Variants in MAGI2 observed in about 807,000 individuals in gnomAD.
MAGI2 encodes the protein membrane-associated guanylate kinase, WW and PDZ domain-containing protein 2.
MAGI2 carries 35 observed loss-of-function variants against 133.3 expected under a neutral mutation model. The observed-to-expected ratio is 0.26, with a 90% CI of 0.20 to 0.35. The LOEUF is 0.35. Ranked by LOEUF, MAGI2 falls within the 10% of genes least tolerant of loss-of-function variation. The probability of loss-of-function intolerance (pLI) is 1.00; values close to 1 mark genes in which losing one functional copy is unlikely to be tolerated. For synonymous variants in MAGI2, 729 were observed against 710.6 expected (o/e 1.03, Z -0.41); for missense variants, 1,636 against 1,863.4 (o/e 0.88, Z 2.25).
chr7:78,350,092 G>A (rs930364187), intron 7 of MAGI2: 8 of 152,208 alleles, frequency 5.3e-5, no homozygotes, highest in African/African-American at 9.7e-5. Context: ...ATTCTGAAGT[G>A]CGTATATCTT....
chr7:78,397,739 C>T (rs1042061197), intron 6 of MAGI2, among the ~76,000 whole-genome samples: 4 of 152,084 alleles, frequency 2.6e-5, no homozygotes, highest in Non-Finnish European at 4.4e-5. Flanking sequence ...TCCAGTTTCG[C>T]TTCTCACATG....
At chr7:79,155,365 A>G (rs1463421763) in intron 1 of MAGI2, among the ~76,000 whole-genome samples, 1 of 152,176 alleles carries the variant, frequency 6.6e-6, no homozygotes, top group African/African-American at 2.4e-5. Context: ...ATAAAATGCT[A>G]GGCACATAAG....
At chr7:78,870,192 A>T (rs977937915) in intron 2 of MAGI2, among the ~76,000 whole-genome samples, 6 of 152,014 alleles carry the variant, frequency 3.9e-5, no homozygotes, top group Non-Finnish European at 8.8e-5. Flanking sequence ...TCAACAAAAA[A>T]TACAAAAATT....
chr7:79,074,022 A>C (rs1211710670), intron 1 of MAGI2, among the ~76,000 whole-genome samples: 1 of 152,192 alleles, frequency 6.6e-6, no homozygotes, highest in Non-Finnish European at 1.5e-5. Context: ...ATAATGCACA[A>C]TTCTTCATAA....
At chr7:79,023,283 C>A (rs1809531095) in intron 1 of MAGI2, among the ~76,000 whole-genome samples, 1 of 152,108 alleles carries the variant, frequency 6.6e-6, no homozygotes, top group African/African-American at 2.4e-5. Flanking sequence ...TAATATTCAA[C>A]ATCCATTCAT....
intron 13 of MAGI2, among the ~76,000 whole-genome samples, chr7:78,184,092 C>T (rs1017461295): frequency 6.6e-6 from 1 of 152,124 alleles, no homozygotes; most frequent in Non-Finnish European, 1.5e-5. Flanking sequence ...AACTACTGGG[C>T]CATTCTCCTT....
chr7:78,252,246 C>T (rs1028737948), intron 10 of MAGI2: 1 of 151,290 alleles, frequency 6.6e-6, no homozygotes. Flanking sequence ...AGTTGGAGGA[C>T]TAACACTCTC....
intron 21 of MAGI2, among the ~76,000 whole-genome samples, chr7:78,069,834 G>C (rs906744764): frequency 2.0e-5 from 3 of 151,984 alleles, no homozygotes; most frequent in Non-Finnish European, 4.4e-5. Context: ...TCTTGCGGGA[G>C]AGCTCAACTT....
intron 1 of MAGI2, among the ~76,000 whole-genome samples, chr7:79,057,039 T>A (rs1310853094): frequency 6.6e-6 from 1 of 152,216 alleles, no homozygotes; most frequent in Non-Finnish European, 1.5e-5. Flanking sequence ...TTGTTGTTTT[T>A]CTTGTTGTTT....
chr7:79,305,844 C>T (rs2129560137), intron 1 of MAGI2, among the ~76,000 whole-genome samples: 1 of 152,024 alleles, frequency 6.6e-6, no homozygotes, highest in Admixed American at 6.6e-5. Flanking sequence ...TCCCATGAGC[C>T]CAGGAGTTTG....
chr7:78,108,733 C>T (rs1046256497), intron 20 of MAGI2, among the ~76,000 whole-genome samples: 7 of 126,714 alleles, frequency 5.5e-5, no homozygotes, highest in African/African-American at 1.3e-4. Flanking sequence ...TGTGTATACA[C>T]ACACATATGT....
intron 2 of MAGI2, among the ~76,000 whole-genome samples, chr7:78,825,676 T>C (rs1208245225): frequency 6.6e-6 from 1 of 152,194 alleles, no homozygotes; most frequent in Non-Finnish European, 1.5e-5. Flanking sequence ...CAATCTTATG[T>C]GGGAAAGTGA....
intron 6 of MAGI2, among the ~76,000 whole-genome samples, chr7:78,460,966 T>TCA (rs1789919575): frequency 1.3e-5 from 2 of 149,870 alleles, no homozygotes; most frequent in Non-Finnish European, 3.0e-5. Context: ...ACACACACTC[T>TCA]CACACACACA....
rs1440734964 is a variant in MAGI2 at position 78,019,973 on chromosome 7, T to G, written c.3710A>C (p.Glu1237Ala). 1 of 1,604,182 alleles carries G rather than the reference T, an allele frequency of 6.2e-7. No individual in the cohort carries two copies. Among genetic ancestry groups the G allele is most frequent in the Admixed American group, 1.7e-5 (1 of 58,680 alleles). Residue 1237 changes from glutamate (E) to alanine (A), a missense_variant, in exon 22 of 22, where the codon GAA (glutamate) becomes GCA (alanine). This residue lies in a region of MAGI2 where 354 missense variants were observed against 298.7 expected (regional missense o/e 1.19). Transcript: ENST00000354212. ...AGCGGGAGAACTCCAGGGGGCGGGTTCGTCTGTGGACGGGAAGCACAGGCG... is the reference window on the plus strand; with the variant it reads ...AGCGGGAGAACTCCAGGGGGCGGGTGCGTCTGTGGACGGGAAGCACAGGCG... ...RGTGQVPEYD[E>A]PAPWSSPAAA... is the part of the protein sequence containing the mutation.
intron 2 of MAGI2, chr7:78,946,843 C>T (rs891696594): frequency 3.3e-5 from 5 of 152,108 alleles, no homozygotes; most frequent in Non-Finnish European, 7.4e-5. Flanking sequence ...AAAATTCCAT[C>T]ACCCAAAGGA....
At position 79,236,995 on chromosome 7, in the gene MAGI2, C is replaced by T. The variant is rs144034456; in HGVS notation, c.301+216025G>A. On this transcript the variant is annotated intron_variant, in intron 1 of 21. Transcript: ENST00000354212. ...AGGAGCTTGAGGCTGCAATGAGCAA[C>T]GAGTGTGCCACTGCACTCCAGCCTG... is the stretch of plus-strand genomic sequence containing the variant. Among the ~76,000 whole-genome samples, 744 of 152,162 alleles carry T rather than the reference C, an allele frequency of 4.9e-3. 36 individuals carry two copies. The highest frequency in any genetic ancestry group is 0.043 in the Admixed American group (661 of 15,290).
chr7:78,769,423 C>G (rs1825356598), intron 2 of MAGI2, among the ~76,000 whole-genome samples: 1 of 152,028 alleles, frequency 6.6e-6, no homozygotes, highest in Non-Finnish European at 1.5e-5. Context: ...AAAATGGAAA[C>G]CTATGATTGC....
At chr7:78,806,461 C>A (rs1788584795) in intron 2 of MAGI2, among the ~76,000 whole-genome samples, 2 of 152,034 alleles carry the variant, frequency 1.3e-5, no homozygotes, top group African/African-American at 4.8e-5. Context: ...AGAGTTAGAG[C>A]ATTAGACCCA....
intron 2 of MAGI2, among the ~76,000 whole-genome samples, chr7:78,891,984 C>G (rs1026207122): frequency 2.6e-5 from 4 of 152,256 alleles, no homozygotes; most frequent in Admixed American, 2.6e-4. Flanking sequence ...AAAACTCAAT[C>G]ATCTCAGCCC....
Sources: allele counts gnomAD v4.1 joint callset (sites outside exome capture counted in the v4.1 genomes callset), GRCh38; gene constraint gnomAD v4.1.1; regional missense constraint gnomAD v4.1.1; transcripts MANE v1.5; gene names NCBI Gene and HGNC (gene_info 2026-07-23, HGNC 2026-07-21).